Variants in ADAM23 observed in about 807,000 individuals in gnomAD.
ADAM23 encodes the protein disintegrin and metalloproteinase domain-containing protein 23.
Under a neutral mutation model 120.1 loss-of-function variants are expected in ADAM23, and 33 were observed. The ratio of observed to expected loss-of-function variants is 0.27; its 90% CI spans 0.21 to 0.37. The LOEUF (loss-of-function observed/expected upper bound fraction) is 0.37, where lower values mean the gene tolerates loss of function less well. ADAM23 is among the 10% of genes least tolerant of loss of function. The probability of loss-of-function intolerance (pLI) is 1.00; values close to 1 mark genes in which losing one functional copy is unlikely to be tolerated. For synonymous variants in ADAM23, 367 were observed against 375.2 expected (o/e 0.98, Z 0.25); for missense variants, 862 against 1,058.2 (o/e 0.81, Z 2.57).
intron 18 of ADAM23, among the ~76,000 whole-genome samples, chr2:206,576,617 A>G (rs1698121416): frequency 6.6e-6 from 1 of 152,124 alleles, no homozygotes; most frequent in South Asian, 2.1e-4. Context: ...GAATTTAATT[A>G]ATACTACTAA....
chr2:206,501,493 GA>G (rs1339655939), intron 3 of ADAM23, among the ~76,000 whole-genome samples: 1 of 152,018 alleles, frequency 6.6e-6, no homozygotes, highest in African/African-American at 2.4e-5. Context: ...TTGTCCCAAA[GA>G]TAACAGCCAA....
At chr2:206,589,559 C>A in intron 21 of ADAM23, 45 bp downstream of exon 21, 1 of 1,512,326 alleles carries the variant, frequency 6.6e-7, no homozygotes, top group South Asian at 1.3e-5. Context: ...CTTGGAAGCC[C>A]TTCTTATGCA....
chr2:206,607,611 C>T (rs1444840051), intron 24 of ADAM23, among the ~76,000 whole-genome samples: 2 of 151,992 alleles, frequency 1.3e-5, no homozygotes, highest in Non-Finnish European at 1.5e-5. Flanking sequence ...CAGTTTTGTT[C>T]GTTTGTGACT....
At chr2:206,525,581 T>C (rs904902680) in intron 3 of ADAM23, among the ~76,000 whole-genome samples, 14 of 151,976 alleles carry the variant, frequency 9.2e-5, no homozygotes, top group Admixed American at 5.9e-4. Flanking sequence ...ATATTTTTGT[T>C]TGTTTGTTTG....
At chr2:206,456,004 C>G (rs1695290509) in intron 2 of ADAM23, among the ~76,000 whole-genome samples, 1 of 152,186 alleles carries the variant, frequency 6.6e-6, no homozygotes, top group Non-Finnish European at 1.5e-5. Flanking sequence ...AAAGGCGCTT[C>G]CACATTTTCC....
intron 10 of ADAM23, among the ~76,000 whole-genome samples, chr2:206,558,813 A>G (rs907792042): frequency 6.6e-6 from 1 of 152,258 alleles, no homozygotes; most frequent in African/African-American, 2.4e-5. Flanking sequence ...TTTAAAAGAC[A>G]TTACATTTAA....
At chr2:206,527,737 A>G (rs963337375) in intron 3 of ADAM23, among the ~76,000 whole-genome samples, 1 of 152,180 alleles carries the variant, frequency 6.6e-6, no homozygotes, top group African/African-American at 2.4e-5. Context: ...GGATACTGTG[A>G]TGAGTGGAAT....
At chr2:206,482,131 G>T (rs920514615) in intron 3 of ADAM23, among the ~76,000 whole-genome samples, 5 of 152,188 alleles carry the variant, frequency 3.3e-5, no homozygotes, top group Non-Finnish European at 5.9e-5. Context: ...TTGAGAAATT[G>T]CAAAGAATTA....
At chr2:206,594,390 G>C (rs1160203419) in intron 22 of ADAM23, among the ~76,000 whole-genome samples, 1 of 152,028 alleles carries the variant, frequency 6.6e-6, no homozygotes, top group African/African-American at 2.4e-5. Flanking sequence ...TGAAAGCCTT[G>C]GAGAGCTAAT....
intron 2 of ADAM23, among the ~76,000 whole-genome samples, chr2:206,471,683 C>T (rs568778151): frequency 6.6e-6 from 1 of 151,944 alleles, no homozygotes; most frequent in Non-Finnish European, 1.5e-5. Flanking sequence ...CTTTATGACA[C>T]AAGTGTTAGC....
intron 3 of ADAM23, among the ~76,000 whole-genome samples, chr2:206,485,379 TACAG>T (rs1245364184): frequency 2.0e-5 from 3 of 152,208 alleles, no homozygotes; most frequent in Admixed American, 6.5e-5. Context: ...ATTGCTACAT[TACAG>T]ACAGAGGTGT....
intron 6 of ADAM23, among the ~76,000 whole-genome samples, chr2:206,543,692 A>G (rs1697338917): frequency 6.6e-6 from 1 of 152,200 alleles, no homozygotes; most frequent in Admixed American, 6.5e-5. Flanking sequence ...TTGCAATTGC[A>G]GAAATATGGA....
intron 2 of ADAM23, among the ~76,000 whole-genome samples, chr2:206,465,856 A>G (rs187934501): frequency 5.6e-4 from 85 of 152,306 alleles, no homozygotes; most frequent in African/African-American, 2.0e-3. Context: ...AATGCTTCAG[A>G]ATCTTTTTGT....
At chr2:206,559,520 G>T (rs965874261) in intron 10 of ADAM23, among the ~76,000 whole-genome samples, 1 of 152,072 alleles carries the variant, frequency 6.6e-6, no homozygotes, top group Non-Finnish European at 1.5e-5. Context: ...TATATTGTTT[G>T]GTGCTTATCT....
intron 3 of ADAM23, among the ~76,000 whole-genome samples, chr2:206,500,931 G>T (rs1471685866): frequency 6.6e-6 from 1 of 151,468 alleles, no homozygotes; most frequent in African/African-American, 2.4e-5. Context: ...TTGAAAGTTG[G>T]GTTTCAGTGT....
intron 10 of ADAM23, among the ~76,000 whole-genome samples, chr2:206,558,275 C>T (rs1264797062): frequency 1.3e-5 from 2 of 152,082 alleles, no homozygotes; most frequent in Non-Finnish European, 2.9e-5. Flanking sequence ...ATGTAAAGTG[C>T]TATTTTGCTT....
rs368073095 is a variant in ADAM23 at position 206,611,230 on chromosome 2, C to G, written c.2450+1230C>G. 6.2e-4 allele frequency among the ~76,000 whole-genome samples: 94 copies of G among 152,130 alleles called. 1 individual carries two copies. Among genetic ancestry groups the G allele is most frequent in the African/African-American group, 2.1e-3 (86 of 41,496 alleles). ...AGTATTATAAAATTATACGTCTTTT[C>G]TCTCGGTATATTTGTAGAGTTGAAC... On this transcript the variant is annotated intron_variant, in intron 25 of 25. Coordinates refer to ENST00000264377, the MANE Select transcript of ADAM23 (RefSeq NM_003812.4).
chr2:206,448,051 A>G (rs1021673895), intron 2 of ADAM23, among the ~76,000 whole-genome samples: 1 of 152,220 alleles, frequency 6.6e-6, no homozygotes, highest in Non-Finnish European at 1.5e-5. Context: ...TTTGCATCCT[A>G]ATGTTTCTGA....
At chr2:206,507,785 G>C (rs1226393524) in intron 3 of ADAM23, among the ~76,000 whole-genome samples, 1 of 152,130 alleles carries the variant, frequency 6.6e-6, no homozygotes, top group African/African-American at 2.4e-5. Flanking sequence ...ATGCAAACTT[G>C]CCTTTTAAGT....
Sources: gnomAD v4.1 joint callset for allele counts (sites outside exome capture counted in the v4.1 genomes callset) on GRCh38, gnomAD v4.1.1 for gene constraint, MANE v1.5 for transcripts, NCBI Gene and HGNC (gene_info 2026-07-23, HGNC 2026-07-21) for gene names.